Variants in UBA6 observed in about 807,000 individuals in gnomAD.
UBA6 encodes ubiquitin like modifier activating enzyme 6, also known as ubiquitin-like modifier-activating enzyme 6.
Under a neutral mutation model 148.3 loss-of-function variants are expected in UBA6, and 87 were observed. The ratio of observed to expected loss-of-function variants is 0.59; its 90% CI spans 0.49 to 0.70. The LOEUF is 0.70. Among genes scored for constraint, UBA6 ranks in the 30% least tolerant of loss-of-function variants. The pLI is 0.00. For synonymous variants in UBA6, 376 were observed against 401.0 expected, an observed-to-expected ratio of 0.94 and a Z score of 0.75; for missense variants, 1,186 against 1,241.2, an observed-to-expected ratio of 0.96 and a Z score of 0.67.
chr4:67,620,977 A>G (rs909020050), intron 32 of UBA6, among the ~76,000 whole-genome samples: 1 of 152,208 alleles, frequency 6.6e-6, no homozygotes, highest in East Asian at 1.9e-4. Flanking sequence ...GGTACTCAAT[A>G]AATACTTGCT....
rs989545434 is a variant in UBA6, at chr4:67,694,619, G to A, written c.134+2026C>T. On this transcript the variant is annotated intron_variant, in intron 2 of 32. Transcript: ENST00000322244. ...TCACTGTGTTAGCCAGGATGGTCTC[G>A]ATCTCCTGACCTCGTGATCCACCCG... Among the ~76,000 whole-genome samples the A allele has an allele frequency of 3.9e-5, 6 of 151,962 alleles. 1 individual carries two copies. The highest frequency in any genetic ancestry group is 4.1e-4 in the South Asian group (2 of 4,820).
At chr4:67,699,228 GC>G (rs1162173203) in intron 1 of UBA6, among the ~76,000 whole-genome samples, 1 of 152,124 alleles carries the variant, frequency 6.6e-6, no homozygotes, top group Non-Finnish European at 1.5e-5. Context: ...CAATATACTG[GC>G]AGAAGTGGAG....
chr4:67,662,138 C>T (rs1256738924), intron 13 of UBA6, 51 bp downstream of exon 13: 11 of 1,539,930 alleles, frequency 7.1e-6, no homozygotes, highest in Non-Finnish European at 9.0e-6. Flanking sequence ...ATACAGAACA[C>T]TTATGTATTA....
At chr4:67,690,435 CA>C (rs1474492410) in intron 2 of UBA6, among the ~76,000 whole-genome samples, 1 of 151,890 alleles carries the variant, frequency 6.6e-6, no homozygotes, top group Admixed American at 6.6e-5. Context: ...ACAACAAAAG[CA>C]AAAATTGTCA....
In UBA6 at chr4:67,614,477, AAT is replaced by A. The variant is rs1728589585; in HGVS notation, c.*4518_*4519del. On this transcript the variant is annotated 3_prime_UTR_variant, in exon 33 of 33. Transcript: ENST00000322244. ...GAAATCTGTATTCACATACGGGTATAATACATGACTTTGGTGGCACTATAGAA... is the reference window on the plus strand; with the variant it reads ...GAAATCTGTATTCACATACGGGTATAACATGACTTTGGTGGCACTATAGAA... 6.6e-6 allele frequency: 1 copy of A among 152,202 alleles called. No homozygotes were observed. The highest frequency in any genetic ancestry group is 1.5e-5 in the Non-Finnish European group (1 of 68,044). 9.4% of individuals were successfully genotyped at this position (152,202 alleles called of 1,614,324 possible).
At chr4:67,682,051 A>C in intron 3 of UBA6, 68 bp downstream of exon 3, 1 of 1,174,206 alleles carries the variant, frequency 8.5e-7, no homozygotes, top group East Asian at 2.3e-5. Context: ...AAGGGGATGA[A>C]GTTAAGTTAT....
chr4:67,649,598 C>T (rs1017205679), intron 13 of UBA6, among the ~76,000 whole-genome samples: 1 of 151,892 alleles, frequency 6.6e-6, no homozygotes, highest in East Asian at 1.9e-4. Flanking sequence ...TATGAAAAAA[C>T]CCTGAACTAT....
chr4:67,627,141 G>A lies in UBA6; in HGVS notation c.2401-664C>T, dbSNP rs183321356. Among the ~76,000 whole-genome samples the A allele has an allele frequency of 7.3e-4, 111 of 151,860 alleles. 1 individual carries two copies. Among genetic ancestry groups the A allele is most frequent in the African/African-American group, 2.5e-3 (104 of 41,452 alleles). ...CTTATTAGATATTCCCTGAGGGCAC[G>A]GAAATTAATATTCTCAAACCAAGAA... On this transcript the variant is annotated intron_variant, in intron 27 of 32. Coordinates refer to ENST00000322244, the MANE Select transcript of UBA6 (RefSeq NM_018227.6).
Position 67,642,701 on chromosome 4 carries a change from T to C in UBA6, c.1477-1473A>G, listed in dbSNP as rs981090742. 2.0e-5 allele frequency among the ~76,000 whole-genome samples: 3 copies of C among 152,250 alleles called. No homozygotes were observed. The East Asian group carries it at 5.8e-4, about 29-fold the overall frequency. On this transcript the variant is annotated intron_variant, in intron 17 of 32. Coordinates refer to ENST00000322244, the MANE Select transcript of UBA6 (RefSeq NM_018227.6). ...TATTTATTGCTGACGAAAAGTCTAT[T>C]ATGCAATCTCTTTTTTTAATCTTTG...
chr4:67,689,342 C>T (rs576887153), intron 2 of UBA6, among the ~76,000 whole-genome samples: 3 of 152,144 alleles, frequency 2.0e-5, no homozygotes, highest in South Asian at 4.1e-4. Context: ...GTATAGTATA[C>T]AAGTATCTAG....
chr4:67,660,084 T>A (rs1729811828), intron 13 of UBA6, among the ~76,000 whole-genome samples: 1 of 152,132 alleles, frequency 6.6e-6, no homozygotes. Flanking sequence ...AAGCATTAAG[T>A]TTTATGCATT....
chr4:67,667,519 C>T lies in UBA6; in HGVS notation c.793+1032G>A, dbSNP rs557075779. ...TCCCTCTCCTGAGGATATATTTTGC[C>T]GTCATTAAAAAAAAAGTAATTCCAT... On this transcript the variant is annotated intron_variant, in intron 9 of 32. Transcript: ENST00000322244. Among the ~76,000 whole-genome samples, 53 of 151,308 alleles carry T rather than the reference C, an allele frequency of 3.5e-4. No individual in the cohort carries two copies. The South Asian group carries it at 9.0e-3, about 26-fold the overall frequency.
At chr4:67,698,506 T>C (rs372663731) in intron 1 of UBA6, among the ~76,000 whole-genome samples, 1 of 152,146 alleles carries the variant, frequency 6.6e-6, no homozygotes, top group African/African-American at 2.4e-5. Context: ...AACGAACAGA[T>C]GGAAAAAAGA....
intron 13 of UBA6, among the ~76,000 whole-genome samples, chr4:67,649,454 G>C (rs991114131): frequency 6.6e-6 from 1 of 152,056 alleles, no homozygotes; most frequent in African/African-American, 2.4e-5. Flanking sequence ...TGTCACTCTA[G>C]GGCATCATTT....
intron 27 of UBA6, among the ~76,000 whole-genome samples, chr4:67,627,235 CATT>C (rs1447674969): frequency 1.3e-5 from 2 of 151,800 alleles, no homozygotes; most frequent in Admixed American, 1.3e-4. Context: ...ACAAATTAAA[CATT>C]ATTACAAAAA....
At chr4:67,699,861 C>G (rs773379420) in intron 1 of UBA6, among the ~76,000 whole-genome samples, 2 of 152,218 alleles carry the variant, frequency 1.3e-5, no homozygotes, top group Non-Finnish European at 2.9e-5. Context: ...GCTTCGACCT[C>G]CCAAAGCGCT....
intron 2 of UBA6, among the ~76,000 whole-genome samples, chr4:67,688,555 A>C (rs1730623998): frequency 6.6e-6 from 1 of 152,146 alleles, no homozygotes; most frequent in Admixed American, 6.5e-5. Context: ...AACTCAGAAT[A>C]CCATCAGAGT....
At chr4:67,659,498 C>A (rs1729786241) in intron 13 of UBA6, among the ~76,000 whole-genome samples, 1 of 128,344 alleles carries the variant, frequency 7.8e-6, no homozygotes, top group African/African-American at 2.9e-5. Flanking sequence ...GAAGAAGCTG[C>A]CTGCTTCTCC....
At chr4:67,665,137 CCTTT>C (rs1269354434) in intron 10 of UBA6, 48 bp downstream of exon 10, 23 of 1,113,392 alleles carry the variant, frequency 2.1e-5, no homozygotes, top group South Asian at 4.7e-5. Flanking sequence ...GTCTCTTCTG[CCTTT>C]CTTTTTCTGT....
Sources: allele counts gnomAD v4.1 joint callset (sites outside exome capture counted in the v4.1 genomes callset), GRCh38; gene constraint gnomAD v4.1.1; transcripts MANE v1.5; gene names NCBI Gene and HGNC (gene_info 2026-07-23, HGNC 2026-07-21).